The following TK2 variants were observed in gnomAD, a reference collection of about 807,000 sequenced individuals.
TK2 encodes the protein thymidine kinase 2.
A neutral mutation model predicts 41.9 loss-of-function variants in TK2; 35 were observed. The observed-to-expected ratio is 0.84, with a 90% CI of 0.64 to 1.11. The LOEUF (loss-of-function observed/expected upper bound fraction) is 1.11. Ranked by LOEUF, TK2 falls within the 50% of genes least tolerant of loss-of-function variation. The probability of loss-of-function intolerance (pLI) is 0.00; values close to 1 mark genes in which losing one functional copy is unlikely to be tolerated. For missense variants in TK2, 320 were observed against 351.1 expected, an observed-to-expected ratio of 0.91 and a Z score of 0.71; for synonymous variants, 128 against 129.1, an observed-to-expected ratio of 0.99 and a Z score of 0.06.
At chr16:66,544,214 G>C (rs12448325) in intron 2 of TK2, among the ~76,000 whole-genome samples, 9,838 of 152,170 alleles carry the variant, frequency 0.065, 475 homozygotes, top group South Asian at 0.17. Context: ...AGGCAACGCA[G>C]GAAGAATCTC....
intron 5 of TK2, among the ~76,000 whole-genome samples, chr16:66,530,193 C>T (rs1464522380): frequency 2.0e-5 from 3 of 152,190 alleles, no homozygotes; most frequent in African/African-American, 2.4e-5. Flanking sequence ...TTTTAAAAGA[C>T]AGACTTACAG....
chr16:66,542,627 G>C (rs4783639), intron 2 of TK2, among the ~76,000 whole-genome samples: 10,424 of 152,200 alleles, frequency 0.068, 510 homozygotes, highest in South Asian at 0.17. Flanking sequence ...ATGACTGCAC[G>C]TGGGAGGGAA....
chr16:66,513,612 C>A, intron 9 of TK2, 119 bp downstream of exon 9: 1 of 921,090 alleles, frequency 1.1e-6, no homozygotes, highest in East Asian at 2.6e-5. Flanking sequence ...CACCTTCCTT[C>A]TTCTAAGTTG....
rs1187557215 is a variant in TK2 at position 66,508,592 on chromosome 16, A to T, written c.*3376T>A. On this transcript the variant is annotated 3_prime_UTR_variant, in exon 10 of 10. Transcript: ENST00000544898. ...CCACCCCAGGGCTCTAGGAAAAAAG[A>T]AGTGATTCAGATTCCATAGCACCCT... The T allele has an allele frequency of 6.6e-6, 1 of 152,248 alleles. No individual in the cohort carries two copies. The highest frequency in any genetic ancestry group is 1.5e-5 in the Non-Finnish European group (1 of 68,056). 9.4% of individuals were successfully genotyped at this position (152,248 alleles called of 1,614,324 possible). A position where few individuals can be genotyped will look rare whatever the true frequency, so the allele number is the denominator to read the frequency against.
chr16:66,523,522 C>T (rs992680104), intron 6 of TK2, among the ~76,000 whole-genome samples: 7 of 152,124 alleles, frequency 4.6e-5, no homozygotes, highest in Non-Finnish European at 8.8e-5. Context: ...TTGAAGGAGC[C>T]GAAACCTCTA....
chr16:66,535,294 A>G (rs1219960811), intron 4 of TK2, among the ~76,000 whole-genome samples: 1 of 152,214 alleles, frequency 6.6e-6, no homozygotes, highest in African/African-American at 2.4e-5. Flanking sequence ...TGAAAAGGCT[A>G]TCTGTACCAA....
intron 3 of TK2, among the ~76,000 whole-genome samples, chr16:66,541,395 G>A (rs1270621851): frequency 1.3e-5 from 2 of 152,132 alleles, no homozygotes; most frequent in Non-Finnish European, 2.9e-5. Flanking sequence ...CATATGTTAT[G>A]TGAAATAAAA....
intron 6 of TK2, among the ~76,000 whole-genome samples, chr16:66,520,972 G>A (rs1287508438): frequency 1.3e-5 from 2 of 152,222 alleles, no homozygotes; most frequent in African/African-American, 2.4e-5. Flanking sequence ...CAGAAGAGGT[G>A]GCACCAAAGG....
chr16:66,548,717 C>T, intron 2 of TK2: 1 of 476,980 alleles, frequency 2.1e-6, no homozygotes, highest in South Asian at 2.5e-5. Flanking sequence ...ACAATCATCC[C>T]TTAAGCTTTA....
Position 66,508,844 on chromosome 16 carries a change from C to T in TK2, c.*3124G>A, listed in dbSNP as rs1964366875. On this transcript the variant is annotated 3_prime_UTR_variant, in exon 10 of 10. Coordinates refer to ENST00000544898, the MANE Select transcript of TK2 (RefSeq NM_004614.5). ...GCTGGGTAATGTTTCCAGAGGTCCA[C>T]ATTCACTCGTTTGTAAATTCGGTCA... The T allele has an allele frequency of 6.6e-6, 1 of 152,274 alleles. No individual in the cohort carries two copies. The highest frequency in any genetic ancestry group is 6.5e-5 in the Admixed American group (1 of 15,290). The allele number at this position is 152,274 out of a possible 1,614,324, so 9.4% of individuals were successfully genotyped here.
intron 2 of TK2, chr16:66,548,758 A>C (rs1452803667): frequency 3.6e-6 from 2 of 560,536 alleles, no homozygotes; most frequent in East Asian, 5.9e-5. Context: ...GGATACAAAT[A>C]CTTGTGTGCT....
intron 6 of TK2, among the ~76,000 whole-genome samples, chr16:66,521,812 A>G (rs1964788373): frequency 6.6e-6 from 1 of 152,148 alleles, no homozygotes; most frequent in Non-Finnish European, 1.5e-5. Context: ...CCAAGCACAC[A>G]ACTCAACAGT....
chr16:66,521,640 T>C (rs1420843152), intron 6 of TK2, among the ~76,000 whole-genome samples: 1 of 152,198 alleles, frequency 6.6e-6, no homozygotes, highest in African/African-American at 2.4e-5. Context: ...TGGGGCACAG[T>C]GGGCGCTGCT....
At chr16:66,532,691 G>A (rs1000060461) in intron 4 of TK2, among the ~76,000 whole-genome samples, 1 of 151,534 alleles carries the variant, frequency 6.6e-6, no homozygotes, top group Non-Finnish European at 1.5e-5. Context: ...ATCTATACAA[G>A]GAAAACTATA....
intron 3 of TK2, among the ~76,000 whole-genome samples, chr16:66,539,602 G>GAAAAA (rs775031607): frequency 1.0e-4 from 5 of 49,262 alleles, no homozygotes; most frequent in Non-Finnish European, 1.9e-4. Context: ...CTCCATCTCA[G>GAAAAA]AAAAAAAAAA....
Position 66,531,458 on chromosome 16 carries a change from G to C in TK2, c.297C>G (p.Tyr99Ter). The C allele has an allele frequency of 6.2e-7, 1 of 1,614,174 alleles. No individual in the cohort carries two copies. Among genetic ancestry groups the C allele is most frequent in the Non-Finnish European group, 8.5e-7 (1 of 1,180,026 alleles). Reference protein sequence around the residue: ...VRGHNPLGLMYHDASRWGLTL... With the variant: ...VRGHNPLGLM ...TAAGACCCCAGCGAGAGGCATCGTG[G>C]TACATCAGGCCCTGCAGAAGGGAAA... Residue 99 changes from tyrosine (Y) to a stop codon, truncating the protein, a stop_gained, in exon 5 of 10, where the codon TAC (tyrosine) becomes TAG (stop). Transcript: ENST00000544898. LOFTEE classifies it high-confidence loss of function.
At chr16:66,539,178 G>A (rs1450219654) in intron 3 of TK2, among the ~76,000 whole-genome samples, 2 of 152,146 alleles carry the variant, frequency 1.3e-5, no homozygotes, top group Non-Finnish European at 2.9e-5. Context: ...TATCACTCAG[G>A]ACAGGGGTCA....
rs553417845 is a variant in TK2, at chr16:66,517,330, G to A, written c.539-115C>T. On this transcript the variant is annotated intron_variant, in intron 7 of 9. Transcript: ENST00000544898. This position sits in a 1 kb window ranked among gnomAD's most constrained non-coding sequence, Gnocchi z 4.3. ...CACAGCTCGAGCAGGAAGCAGGGAG[G>A]GCCAGCTCTTGGCTTGACCACTGAC... 4.6e-5 allele frequency: 42 copies of A among 904,496 alleles called. No homozygotes were observed. The East Asian group carries it at 1.0e-3, about 22-fold the overall frequency. 56.0% of individuals were successfully genotyped at this position (904,496 alleles called of 1,614,324 possible). A position where few individuals can be genotyped will look rare whatever the true frequency, so the allele number is the denominator to read the frequency against.
intron 3 of TK2, among the ~76,000 whole-genome samples, chr16:66,540,162 CTTTCTTT>C (rs946862023): frequency 3.2e-4 from 46 of 142,382 alleles, no homozygotes; most frequent in African/African-American, 1.2e-3. Context: ...TCTTTTCTTT[CTTTCTTT>C]TTTCTTTTTT....
Sources: gnomAD v4.1 joint callset for allele counts (sites outside exome capture counted in the v4.1 genomes callset) on GRCh38, gnomAD v4.1.1 for gene constraint, Gnocchi (gnomAD v3.1) non-coding constraint, MANE v1.5 for transcripts, NCBI Gene and HGNC (gene_info 2026-07-23, HGNC 2026-07-21) for gene names.